Variants in PPME1 observed in about 807,000 individuals in gnomAD.
The protein encoded by PPME1 is testicular secretory protein Li 39.
In PPME1, 17 loss-of-function variants were observed where a neutral mutation model predicts 56.9. The observed-to-expected ratio is 0.30, with a 90% confidence interval of 0.20 to 0.45. The LOEUF (loss-of-function observed/expected upper bound fraction) is 0.45, where lower values mean the gene tolerates loss of function less well. Among genes scored for constraint, PPME1 ranks in the 20% least tolerant of loss-of-function variants. PPME1 has a pLI of 1.00. For synonymous variants in PPME1, 122 were observed against 156.2 expected (o/e 0.78, Z 1.63); for missense variants, 357 against 483.2 (o/e 0.74, Z 2.45).
rs1858440620 is a variant in PPME1 at position 74,210,375 on chromosome 11, A to G, written c.288+5930A>G. Among the ~76,000 whole-genome samples, 3 of 152,238 alleles carry G rather than the reference A, an allele frequency of 2.0e-5. 1 individual carries two copies. The South Asian group carries it at 6.2e-4, about 31-fold the overall frequency. On this transcript the variant is annotated intron_variant, in intron 3 of 13. Coordinates refer to ENST00000328257, the MANE Select transcript of PPME1 (RefSeq NM_016147.3). Reference sequence around the variant, plus strand: ...AACTAGAAAATTGCATGAATATCATACTTAGTGGTAAAACAGACACATTGA... The same window carrying G: ...AACTAGAAAATTGCATGAATATCATGCTTAGTGGTAAAACAGACACATTGA...
intron 1 of PPME1, among the ~76,000 whole-genome samples, chr11:74,173,596 C>T (rs1375185223): frequency 6.6e-6 from 1 of 152,064 alleles, no homozygotes; most frequent in Admixed American, 6.5e-5. Context: ...GGCTAGAGTG[C>T]AGTGGCACAA....
chr11:74,209,727 C>T (rs1393622889), intron 3 of PPME1, among the ~76,000 whole-genome samples: 1 of 152,102 alleles, frequency 6.6e-6, no homozygotes, highest in Non-Finnish European at 1.5e-5. Flanking sequence ...TATTTGACAT[C>T]TTATGGAGTA....
intron 3 of PPME1, among the ~76,000 whole-genome samples, chr11:74,216,363 A>T (rs949936719): frequency 1.3e-5 from 2 of 152,226 alleles, no homozygotes; most frequent in African/African-American, 4.8e-5. Context: ...ATACAAACAC[A>T]TAGAAAATAA....
chr11:74,247,372 A>T, intron 11 of PPME1: 1 of 451,236 alleles, frequency 2.2e-6, no homozygotes, highest in South Asian at 3.9e-5. Flanking sequence ...CCTATGTCTC[A>T]GTTATAAGAG....
intron 11 of PPME1, 59 bp downstream of exon 11, chr11:74,247,182 G>A (rs1859524207): frequency 7.0e-7 from 1 of 1,438,060 alleles, no homozygotes; most frequent in East Asian, 2.3e-5. Flanking sequence ...TGATAGGGCA[G>A]TTAACATCCT....
intron 9 of PPME1, among the ~76,000 whole-genome samples, chr11:74,240,842 G>A (rs1859338375): frequency 6.6e-6 from 1 of 152,116 alleles, no homozygotes; most frequent in Non-Finnish European, 1.5e-5. Flanking sequence ...ATAATCAATT[G>A]CTTTTTACCC....
Position 74,230,491 on chromosome 11 carries a change from C to CAAG in PPME1, c.553+93_553+94insAGA. On this transcript the variant is annotated intron_variant, in intron 6 of 13. Transcript: ENST00000328257. This position sits in a 1 kb window ranked among gnomAD's most constrained non-coding sequence, Gnocchi z 4.9. ...CCTTGTCTTAGTTTATTGTTGATTT[C>CAAG]ATTCATCTTGAAATATGTCCCTCTG... The CAAG allele has an allele frequency of 4.3e-6, 6 of 1,409,754 alleles. No homozygotes were observed. The highest frequency in any genetic ancestry group is 5.9e-6 in the Non-Finnish European group (6 of 1,016,930). The allele number at this position is 1,409,754 out of a possible 1,614,324, so 87.3% of individuals were successfully genotyped here.
chr11:74,235,296 C>T (rs1400197176), intron 7 of PPME1, among the ~76,000 whole-genome samples: 12 of 152,156 alleles, frequency 7.9e-5, no homozygotes, highest in African/African-American at 2.9e-4. Flanking sequence ...CCCTGTAGCA[C>T]GGCACACAAG....
intron 1 of PPME1, among the ~76,000 whole-genome samples, chr11:74,179,198 A>C (rs1386138716): frequency 1.3e-5 from 2 of 152,176 alleles, no homozygotes; most frequent in African/African-American, 4.8e-5. Context: ...TGCCACTAAC[A>C]AGTTGTATGA....
chr11:74,176,721 CTTTTTTTTTTTT>C (rs780832040), intron 1 of PPME1, among the ~76,000 whole-genome samples: 5 of 102,174 alleles, frequency 4.9e-5, no homozygotes, highest in African/African-American at 1.3e-4. Flanking sequence ...GTGTAGTGTC[CTTTTTTTTTTTT>C]TTTTTTTTTT....
At chr11:74,246,431 C>T (rs1859504847) in intron 10 of PPME1, among the ~76,000 whole-genome samples, 1 of 152,128 alleles carries the variant, frequency 6.6e-6, no homozygotes, top group African/African-American at 2.4e-5. Flanking sequence ...TCTCTGGTGT[C>T]TCTTCTCTTA....
At chr11:74,185,578 T>G (rs537036597) in intron 1 of PPME1, among the ~76,000 whole-genome samples, 1 of 152,122 alleles carries the variant, frequency 6.6e-6, no homozygotes, top group Admixed American at 6.5e-5. Flanking sequence ...TTCTCTTGCT[T>G]TCATTAATGG....
intron 1 of PPME1, among the ~76,000 whole-genome samples, chr11:74,184,656 A>G (rs1591017481): frequency 6.6e-6 from 1 of 152,202 alleles, no homozygotes; most frequent in Non-Finnish European, 1.5e-5. Context: ...ATCTAATTAT[A>G]TTAACATGTG....
At chr11:74,210,147 A>G (rs1858435356) in intron 3 of PPME1, among the ~76,000 whole-genome samples, 1 of 152,232 alleles carries the variant, frequency 6.6e-6, no homozygotes, top group African/African-American at 2.4e-5. Flanking sequence ...TGGTAAAATA[A>G]TAATACACTG....
intron 9 of PPME1, among the ~76,000 whole-genome samples, chr11:74,242,878 C>CAAAA (rs5792649): frequency 2.8e-4 from 17 of 61,388 alleles, no homozygotes; most frequent in African/African-American, 7.4e-4. Flanking sequence ...GACTCTGTCT[C>CAAAA]AAAAAAAAAA....
At chr11:74,220,039 C>A (rs1353999869) in intron 3 of PPME1, among the ~76,000 whole-genome samples, 2 of 152,080 alleles carry the variant, frequency 1.3e-5, no homozygotes, top group Non-Finnish European at 2.9e-5. Flanking sequence ...TATACCCTTA[C>A]TATGTACCCA....
chr11:74,187,390 T>A lies in PPME1; in HGVS notation c.101+15868T>A, dbSNP rs1164120546. On this transcript the variant is annotated intron_variant, in intron 1 of 13. Coordinates refer to ENST00000328257, the MANE Select transcript of PPME1 (RefSeq NM_016147.3). Reference sequence around the variant, plus strand: ...AATCCATGAACACTGGATGTCTTTCTTTTTATGTCTTTTTTAATTTCTTCA... The same window carrying A: ...AATCCATGAACACTGGATGTCTTTCATTTTATGTCTTTTTTAATTTCTTCA... Among the ~76,000 whole-genome samples, 3 of 152,172 alleles carry A rather than the reference T, an allele frequency of 2.0e-5. No individual in the cohort carries two copies. In the East Asian group the frequency reaches 5.8e-4, roughly 29 times the overall value.
Position 74,201,328 on chromosome 11 carries a change from G to C in PPME1, c.102-2400G>C, listed in dbSNP as rs1052009904. On this transcript the variant is annotated intron_variant, in intron 1 of 13. Coordinates refer to ENST00000328257, the MANE Select transcript of PPME1 (RefSeq NM_016147.3). ...TAAATGAAGGAAATTAGAAGTGGAG[G>C]GTGTTCTCCTGTGAATAATTTCTAC... 6.6e-5 allele frequency among the ~76,000 whole-genome samples: 10 copies of C among 151,884 alleles called. No individual in the cohort carries two copies. The South Asian group carries it at 2.1e-3, about 32-fold the overall frequency.
intron 10 of PPME1, among the ~76,000 whole-genome samples, chr11:74,246,688 A>G (rs1287827381): frequency 6.6e-6 from 1 of 152,138 alleles, no homozygotes; most frequent in African/African-American, 2.4e-5. Flanking sequence ...TCATTCATCT[A>G]TGCCTTTTCT....
Sources: gnomAD v4.1 joint callset for allele counts (sites outside exome capture counted in the v4.1 genomes callset) on GRCh38, gnomAD v4.1.1 for gene constraint, Gnocchi (gnomAD v3.1) non-coding constraint, MANE v1.5 for transcripts, NCBI Gene and HGNC (gene_info 2026-07-23, HGNC 2026-07-21) for gene names.